The following ERBB4 variants were observed in gnomAD, a reference collection of about 807,000 sequenced individuals.
ERBB4 encodes erb-b2 receptor tyrosine kinase 4, also known as receptor tyrosine-protein kinase erbB-4.
In ERBB4, 42 loss-of-function variants were observed where a neutral mutation model predicts 158.0. The observed-to-expected ratio is 0.27, with a 90% CI of 0.21 to 0.34. The LOEUF (loss-of-function observed/expected upper bound fraction) is 0.34, where lower values mean the gene tolerates loss of function less well. Among genes scored for constraint, ERBB4 ranks in the 10% least tolerant of loss-of-function variants. The probability of loss-of-function intolerance (pLI) is 1.00; values close to 1 mark genes in which losing one functional copy is unlikely to be tolerated. For missense variants in ERBB4, 1,333 were observed against 1,624.1 expected (o/e 0.82, Z 3.08); for synonymous variants, 583 against 558.7 (o/e 1.04, Z -0.61).
intron 20 of ERBB4, among the ~76,000 whole-genome samples, chr2:211,526,327 A>T (rs1162282871): frequency 1.3e-5 from 2 of 152,106 alleles, no homozygotes; most frequent in Non-Finnish European, 2.9e-5. Context: ...GAATTCCCAG[A>T]TTTTATCCAC....
At chr2:212,386,154 T>G (rs1321615178) in intron 1 of ERBB4, among the ~76,000 whole-genome samples, 1 of 151,928 alleles carries the variant, frequency 6.6e-6, no homozygotes, top group African/African-American at 2.4e-5. Flanking sequence ...AAAATACACT[T>G]TTTTGTATTT....
intron 3 of ERBB4, among the ~76,000 whole-genome samples, chr2:211,792,724 A>G (rs2076302978): frequency 6.6e-6 from 1 of 151,896 alleles, no homozygotes; most frequent in Non-Finnish European, 1.5e-5. Flanking sequence ...CCAATATGAC[A>G]TTTGAAAAAG....
chr2:211,551,384 T>C (rs960169813), intron 20 of ERBB4, among the ~76,000 whole-genome samples: 18 of 152,210 alleles, frequency 1.2e-4, no homozygotes, highest in Admixed American at 6.5e-5. Flanking sequence ...TTTATTTTGA[T>C]TTTAAGGGTG....
At chr2:211,992,124 T>C (rs1182523218) in intron 2 of ERBB4, among the ~76,000 whole-genome samples, 4 of 152,084 alleles carry the variant, frequency 2.6e-5, no homozygotes, top group Admixed American at 1.3e-4. Context: ...TTCAGCAACA[T>C]CCTACTCTAC....
chr2:212,370,982 T>C (rs1189302468), intron 1 of ERBB4, among the ~76,000 whole-genome samples: 3 of 152,180 alleles, frequency 2.0e-5, no homozygotes, highest in Non-Finnish European at 4.4e-5. Flanking sequence ...TCACTGTTGA[T>C]GTAAAAAGCT....
intron 25 of ERBB4, among the ~76,000 whole-genome samples, chr2:211,400,674 G>C (rs1216273150): frequency 6.7e-6 from 1 of 149,576 alleles, no homozygotes; most frequent in Non-Finnish European, 1.5e-5. Flanking sequence ...TGGTTAATGG[G>C]TACAAAAAAA....
At chr2:211,733,236 C>G (rs867039299) in intron 5 of ERBB4, among the ~76,000 whole-genome samples, 1 of 152,172 alleles carries the variant, frequency 6.6e-6, no homozygotes, top group Admixed American at 6.5e-5. Flanking sequence ...TGATTATAAA[C>G]TACACACTTG....
At chr2:211,855,165 C>T (rs1437795078) in intron 3 of ERBB4, among the ~76,000 whole-genome samples, 1 of 152,086 alleles carries the variant, frequency 6.6e-6, no homozygotes, top group Admixed American at 6.6e-5. Flanking sequence ...AGTGCTCCTT[C>T]AAGATTTTGC....
chr2:212,000,626 A>G (rs550646372), intron 2 of ERBB4, among the ~76,000 whole-genome samples: 4 of 152,026 alleles, frequency 2.6e-5, no homozygotes, highest in African/African-American at 7.2e-5. Context: ...AAATTTAGCT[A>G]GGGACGTGAA....
chr2:211,905,061 G>A (rs1167402371), intron 3 of ERBB4, among the ~76,000 whole-genome samples: 6 of 152,008 alleles, frequency 3.9e-5, no homozygotes, highest in African/African-American at 1.4e-4. Context: ...CAAACTTACC[G>A]CAAATTTAAT....
chr2:211,725,565 G>A (rs143950019), intron 5 of ERBB4, among the ~76,000 whole-genome samples: 12 of 152,204 alleles, frequency 7.9e-5, no homozygotes, highest in African/African-American at 2.6e-4. Flanking sequence ...GGCTACGACT[G>A]CACTTGTGAA....
chr2:211,709,679 T>C (rs2073617873), intron 9 of ERBB4, among the ~76,000 whole-genome samples: 1 of 152,152 alleles, frequency 6.6e-6, no homozygotes, highest in South Asian at 2.1e-4. Context: ...TCATGTTTTA[T>C]ACAACCTTAA....
Position 211,788,084 on chromosome 2 carries a change from A to G in ERBB4, c.497T>C (p.Ile166Thr). ...GTTGGAAGGCCATGGGTTCCGAACA[A>G]TATCTTGCCAATGAATGGTGTCTGC... ...CYADTIHWQD[I>T]VRNPWPSNLT... is the part of the protein sequence containing the mutation. The change falls in exon 4 of 28, where the codon ATT becomes ACT. Residue 166 changes from isoleucine to threonine, a missense_variant. By Grantham distance (89) the Ile-to-Thr change is moderately conservative. Around this residue, in one of 5 missense-constraint regions of ERBB4, gnomAD observed 438 missense variants for 586.9 expected, o/e 0.75. Coordinates refer to ENST00000342788, the MANE Select transcript of ERBB4 (RefSeq NM_005235.3). 3 of 1,613,214 alleles carry G rather than the reference A, an allele frequency of 1.9e-6. No individual in the cohort carries two copies. The highest frequency in any genetic ancestry group is 1.3e-5 in the African/African-American group (1 of 75,024).
intron 4 of ERBB4, among the ~76,000 whole-genome samples, chr2:211,757,419 T>C (rs1276086116): frequency 1.3e-5 from 2 of 152,204 alleles, no homozygotes; most frequent in African/African-American, 4.8e-5. Flanking sequence ...GGTCAAAATA[T>C]ATTAGGCAAT....
chr2:211,839,364 A>AC (rs2077420454), intron 3 of ERBB4, among the ~76,000 whole-genome samples: 1 of 97,122 alleles, frequency 1.0e-5, no homozygotes, highest in South Asian at 3.8e-4. Flanking sequence ...ACAAGATATA[A>AC]TAAAAAAAAA....
chr2:212,257,270 T>C (rs1292172855), intron 1 of ERBB4, among the ~76,000 whole-genome samples: 1 of 152,186 alleles, frequency 6.6e-6, no homozygotes, highest in Admixed American at 6.6e-5. Context: ...CAATTTTCAC[T>C]ATGCTTTAGG....
intron 3 of ERBB4, among the ~76,000 whole-genome samples, chr2:211,831,385 G>T (rs1213297075): frequency 6.6e-6 from 1 of 151,986 alleles, no homozygotes; most frequent in Non-Finnish European, 1.5e-5. Context: ...AGCTTTTCAG[G>T]GTCTTGTTAA....
chr2:211,813,750 AC>A (rs909743337), intron 3 of ERBB4, among the ~76,000 whole-genome samples: 1 of 152,124 alleles, frequency 6.6e-6, no homozygotes, highest in Non-Finnish European at 1.5e-5. Context: ...CCTTTCAGAA[AC>A]CTTGCTACTT....
intron 19 of ERBB4, among the ~76,000 whole-genome samples, chr2:211,605,902 G>C (rs2068962902): frequency 6.6e-6 from 1 of 152,020 alleles, no homozygotes; most frequent in Non-Finnish European, 1.5e-5. Flanking sequence ...GGAGAATTTA[G>C]ACCAAGATCT....
Sources: allele counts gnomAD v4.1 joint callset (sites outside exome capture counted in the v4.1 genomes callset), GRCh38; gene constraint gnomAD v4.1.1; regional missense constraint gnomAD v4.1.1; transcripts MANE v1.5; gene names NCBI Gene and HGNC (gene_info 2026-07-23, HGNC 2026-07-21).